The following DNAH11 variants were observed in gnomAD, a reference collection of about 807,000 sequenced individuals.
DNAH11 encodes the protein axonemal beta dynein heavy chain 11.
A neutral mutation model predicts 526.0 loss-of-function variants in DNAH11; 442 were observed. That is an observed-to-expected ratio of 0.84 (90% CI 0.78 to 0.91). The LOEUF (loss-of-function observed/expected upper bound fraction) is 0.91, where lower values mean the gene tolerates loss of function less well. Ranked by LOEUF, DNAH11 falls within the 40% of genes least tolerant of loss-of-function variation. DNAH11 has a pLI of 0.00. For synonymous variants in DNAH11, 2,461 were observed against 1,935.9 expected (o/e 1.27, Z -7.12); for missense variants, 6,989 against 5,448.7 (o/e 1.28, Z -8.90).
Position 21,558,838 on chromosome 7 carries a change from A to G in DNAH11, c.532A>G (p.Lys178Glu), listed in dbSNP as rs1429377820. The G allele has an allele frequency of 6.2e-7, 1 of 1,603,390 alleles. No individual in the cohort carries two copies. The highest frequency in any genetic ancestry group is 2.3e-5 in the East Asian group (1 of 44,396). ...AGTTCTTTCTAATAAGAACAACCAT[A>G]AGTCCTGGTCCTGTTTTACTTCACA... ...VPVLSNKNNH[K>E]SWSCFTSQDM... Residue 178 changes from lysine (K) to glutamate (E), a missense_variant, in exon 3 of 82, where the codon AAG becomes GAG. Lys to Glu is a moderately conservative substitution (Grantham distance 56). Coordinates refer to ENST00000409508, the MANE Select transcript of DNAH11 (RefSeq NM_001277115.2).
At position 21,765,409 on chromosome 7, in the gene DNAH11, T is replaced by C; in HGVS notation, c.8941-19T>C. The C allele has an allele frequency of 1.9e-6, 3 of 1,613,478 alleles. No homozygotes were observed. Among genetic ancestry groups the C allele is most frequent in the Middle Eastern group, 1.7e-4 (1 of 6,060 alleles). On this transcript the variant is annotated intron_variant, in intron 54 of 81. Coordinates refer to ENST00000409508, the MANE Select transcript of DNAH11 (RefSeq NM_001277115.2). ...ATTCATCACCCGCCTGTTTCTGCCT[T>C]GCCCCCATGTCTCCACAGATCATTT...
chr7:21,789,850 T>C (rs183118961), intron 61 of DNAH11, among the ~76,000 whole-genome samples: 16 of 143,666 alleles, frequency 1.1e-4, no homozygotes, highest in South Asian at 6.7e-4. Context: ...CTTTCTTTCT[T>C]TCTCTCTCCT....
In DNAH11 at chr7:21,777,831, A is replaced by T. The variant is rs145986895; in HGVS notation, c.9337-1127A>T. On this transcript the variant is annotated intron_variant, in intron 56 of 81. Coordinates refer to ENST00000409508, the MANE Select transcript of DNAH11 (RefSeq NM_001277115.2). ...CCATAGTAGTAATCATGCTTTTTAG[A>T]TAGAGTGTGAATATACTGTGTTGGG... Among the ~76,000 whole-genome samples, 712 of 152,326 alleles carry T rather than the reference A, an allele frequency of 4.7e-3. 6 individuals are homozygous for T. The highest frequency in any genetic ancestry group is 0.017 in the African/African-American group (690 of 41,578).
At position 21,665,062 on chromosome 7, in the gene DNAH11, C is replaced by G. The variant is rs77009761; in HGVS notation, c.5328+6031C>G. Among the ~76,000 whole-genome samples the G allele has an allele frequency of 2.3e-3, 352 of 152,074 alleles. 1 individual carries two copies. The highest frequency in any genetic ancestry group is 8.2e-3 in the African/African-American group (340 of 41,500). On this transcript the variant is annotated intron_variant, in intron 30 of 81. Coordinates refer to ENST00000409508, the MANE Select transcript of DNAH11 (RefSeq NM_001277115.2). ...CTCATTCTTGTTGTCAGGAAGGGATCAGTCTCCTCTCTTTCTTTATCTCTC... is the reference window on the plus strand; with the variant it reads ...CTCATTCTTGTTGTCAGGAAGGGATGAGTCTCCTCTCTTTCTTTATCTCTC...
chr7:21,677,120 A>G (rs1222416507), intron 30 of DNAH11, among the ~76,000 whole-genome samples: 2 of 151,516 alleles, frequency 1.3e-5, no homozygotes, highest in East Asian at 3.9e-4. Flanking sequence ...ACATTTAACT[A>G]CTTTTTAAAG....
At chr7:21,733,883 T>C (rs1785494640) in intron 45 of DNAH11, among the ~76,000 whole-genome samples, 1 of 152,166 alleles carries the variant, frequency 6.6e-6, no homozygotes, top group Non-Finnish European at 1.5e-5. Context: ...AGAAGAAATA[T>C]ATCCACAGCT....
In DNAH11 at chr7:21,874,953, C is replaced by T. The variant is rs192154857; in HGVS notation, c.12195+1452C>T. On this transcript the variant is annotated intron_variant, in intron 74 of 81. Coordinates refer to ENST00000409508, the MANE Select transcript of DNAH11 (RefSeq NM_001277115.2). The stretch of plus-strand genomic sequence containing the variant: ...CCCCTCTTAGAAATATCATTCTCTA[C>T]GAAGCATGTTAACATCCTTAGCTTC... 1.1e-3 allele frequency among the ~76,000 whole-genome samples: 161 copies of T among 152,216 alleles called. 1 individual carries two copies. The highest frequency in any genetic ancestry group is 1.4e-3 in the Admixed American group (22 of 15,282).
At chr7:21,810,772 A>G (rs934122285) in intron 63 of DNAH11, among the ~76,000 whole-genome samples, 1 of 152,150 alleles carries the variant, frequency 6.6e-6, no homozygotes, top group African/African-American at 2.4e-5. Flanking sequence ...GGAGGTGAGG[A>G]AAGTCAAGCA....
At chr7:21,892,339 T>C in intron 76 of DNAH11, 86 bp from the exon 77 acceptor site, 1 of 1,527,392 alleles carries the variant, frequency 6.5e-7, no homozygotes, top group African/African-American at 1.4e-5. Context: ...GGAGCCTTCT[T>C]GTCAGGGTCT....
chr7:21,564,257 A>G lies in DNAH11; in HGVS notation c.1054A>G (p.Thr352Ala). The G allele has an allele frequency of 6.2e-7, 1 of 1,613,702 alleles. No homozygotes were observed. The highest frequency in any genetic ancestry group is 8.5e-7 in the Non-Finnish European group (1 of 1,179,764). ...LRRHIQCLQETEFPQTRILIA... is the reference protein window; with the variant it reads ...LRRHIQCLQEAEFPQTRILIA... ...GAGACACATCCAGTGTCTCCAGGAG[A>G]CGGAATTCCCACAGACACGCATATT... Residue 352 changes from threonine to alanine, a missense_variant, in exon 6 of 82, where the codon ACG becomes GCG. Thr to Ala is a moderately conservative substitution (Grantham distance 58). Coordinates refer to ENST00000409508, the MANE Select transcript of DNAH11 (RefSeq NM_001277115.2).
intron 62 of DNAH11, 83 bp downstream of exon 62, chr7:21,801,358 T>C (rs1276150834): frequency 2.0e-6 from 3 of 1,519,110 alleles, no homozygotes; most frequent in African/African-American, 2.8e-5. Flanking sequence ...CAATAATAAC[T>C]AAATAGACAT....
chr7:21,739,571 G>T lies in DNAH11; in HGVS notation c.7812G>T (p.Trp2604Cys). ...TAAGGTTCTGTTTTCTGTCTTTCAG[G>T]TATGATAGACAGAAGGTGATGCTTA... is the stretch of plus-strand genomic sequence containing the variant. ...LIRQHIDYGH[W>C]YDRQKVMLKE... The change falls in exon 48 of 82, where the codon TGG becomes TGT. Residue 2604 changes from tryptophan (W) to cysteine (C), a missense_variant and splice_region_variant. Physicochemically the swap from Trp to Cys is radical, Grantham distance 215. Transcript: ENST00000409508. The T allele has an allele frequency of 6.2e-7, 1 of 1,609,264 alleles. No homozygotes were observed.
chr7:21,811,742 AC>A (rs1402922949), intron 63 of DNAH11, among the ~76,000 whole-genome samples: 10 of 152,354 alleles, frequency 6.6e-5, no homozygotes, highest in African/African-American at 2.4e-4. Flanking sequence ...ATATTTTACC[AC>A]AGTAAAACTG....
intron 30 of DNAH11, among the ~76,000 whole-genome samples, chr7:21,661,123 C>T (rs1231136923): frequency 6.6e-6 from 1 of 151,990 alleles, no homozygotes; most frequent in Non-Finnish European, 1.5e-5. Context: ...ATCTTAGGAT[C>T]ATTTATTCTG....
chr7:21,771,371 A>C (rs1787427095), intron 55 of DNAH11, among the ~76,000 whole-genome samples: 2 of 152,266 alleles, frequency 1.3e-5, no homozygotes, highest in Non-Finnish European at 1.5e-5. Context: ...TTTCAAGAGG[A>C]ATATACTGGG....
chr7:21,711,249 T>A (rs1583617250), intron 41 of DNAH11, among the ~76,000 whole-genome samples: 1 of 152,262 alleles, frequency 6.6e-6, no homozygotes, highest in East Asian at 1.9e-4. Flanking sequence ...GTAATCATCA[T>A]TACTCCAGAG....
At chr7:21,602,055 A>G (rs1785111988) in intron 18 of DNAH11, among the ~76,000 whole-genome samples, 1 of 152,076 alleles carries the variant, frequency 6.6e-6, no homozygotes, top group South Asian at 2.1e-4. Flanking sequence ...TAAAGAATAA[A>G]TAGGCCAGGC....
In DNAH11 at chr7:21,600,091, CA is replaced by C. The variant is rs756850884; in HGVS notation, c.2974del (p.Thr992HisfsTer16). On this transcript the variant is annotated frameshift_variant, in exon 15 of 82. Transcript: ENST00000409508. LOFTEE classifies it high-confidence loss of function. ...FRMSAQMNRI[A>X]THLEIKNYQN... ...ATGTCTGCCCAGATGAACCGAATAG[CA>C]ACACACCTGGAAATTAAAAATTATC... 2.6e-6 allele frequency: 4 copies of C among 1,557,258 alleles called. No homozygotes were observed. The African/African-American group carries it at 4.1e-5, about 16-fold the overall frequency.
chr7:21,811,111 G>T (rs528460804), intron 63 of DNAH11, among the ~76,000 whole-genome samples: 1 of 152,150 alleles, frequency 6.6e-6, no homozygotes, highest in Non-Finnish European at 1.5e-5. Context: ...AAAAATGAAG[G>T]AAATTCTGGT....
Sources: allele counts gnomAD v4.1 joint callset (sites outside exome capture counted in the v4.1 genomes callset), GRCh38; gene constraint gnomAD v4.1.1; transcripts MANE v1.5; gene names NCBI Gene and HGNC (gene_info 2026-07-23, HGNC 2026-07-21).